Variants in ASIC2 observed in about 807,000 individuals in gnomAD.
ASIC2 encodes the protein acid-sensing ion channel 2.
In ASIC2, 25 loss-of-function variants were observed where a neutral mutation model predicts 57.3. The ratio of observed to expected loss-of-function variants is 0.44; its 90% CI spans 0.32 to 0.61. The LOEUF is 0.61. Among genes scored for constraint, ASIC2 ranks in the 20% least tolerant of loss-of-function variants. The probability of loss-of-function intolerance (pLI) is 0.06; values close to 1 mark genes in which losing one functional copy is unlikely to be tolerated. For synonymous variants in ASIC2, 319 were observed against 307.5 expected (o/e 1.04, Z -0.39); for missense variants, 641 against 738.1 (o/e 0.87, Z 1.52).
chr17:33,735,303 T>C (rs913416345), intron 1 of ASIC2, among the ~76,000 whole-genome samples: 2 of 152,200 alleles, frequency 1.3e-5, no homozygotes, highest in African/African-American at 2.4e-5. Flanking sequence ...AGTCTGGCCA[T>C]GGCAGGTGCT....
At chr17:33,765,209 C>T (rs1161947966) in intron 1 of ASIC2, among the ~76,000 whole-genome samples, 1 of 152,128 alleles carries the variant, frequency 6.6e-6, no homozygotes, top group Non-Finnish European at 1.5e-5. Flanking sequence ...GGGTTCACGC[C>T]ATTCTCCTGC....
intron 1 of ASIC2, among the ~76,000 whole-genome samples, chr17:33,306,856 C>T (rs757575962): frequency 3.9e-5 from 6 of 152,156 alleles, no homozygotes; most frequent in Non-Finnish European, 5.9e-5. Context: ...CAGTGTGTTA[C>T]AGGAAATGTA....
chr17:33,609,114 G>T (rs1305209989), intron 1 of ASIC2, among the ~76,000 whole-genome samples: 1 of 152,146 alleles, frequency 6.6e-6, no homozygotes, highest in Non-Finnish European at 1.5e-5. Flanking sequence ...CTCTTTGGAC[G>T]CTGTTGTGAC....
At chr17:33,743,030 G>A (rs1246430942) in intron 1 of ASIC2, among the ~76,000 whole-genome samples, 1 of 152,118 alleles carries the variant, frequency 6.6e-6, no homozygotes, top group East Asian at 1.9e-4. Flanking sequence ...TCCAGCCCTT[G>A]CCTCCTCTAC....
intron 1 of ASIC2, among the ~76,000 whole-genome samples, chr17:34,129,919 T>C (rs1302823929): frequency 6.6e-6 from 1 of 152,002 alleles, no homozygotes; most frequent in Non-Finnish European, 1.5e-5. Flanking sequence ...CTCAAGGGGG[T>C]CCACTGAGCT....
rs115478087 is a variant in ASIC2, at chr17:34,091,702, C to T, written c.555+64276G>A. ...ACAGAACAGGTTTAAGAACATTCAC[C>T]GAACCAGTCCATGGCACTATTGAAT... On this transcript the variant is annotated intron_variant, in intron 1 of 9. Transcript: ENST00000359872. Among the ~76,000 whole-genome samples, 1,055 of 152,210 alleles carry T rather than the reference C, an allele frequency of 6.9e-3. 18 individuals are homozygous for T. Among genetic ancestry groups the T allele is most frequent in the African/African-American group, 0.024 (984 of 41,508 alleles).
rs79201597 is a variant in ASIC2, at chr17:33,702,608, G to A, written c.555+453370C>T. Among the ~76,000 whole-genome samples the A allele has an allele frequency of 7.3e-3, 1,111 of 152,212 alleles. 11 individuals are homozygous for A. Among genetic ancestry groups the A allele is most frequent in the African/African-American group, 0.025 (1,050 of 41,530 alleles). ...GGAGGAATTAGGGAGATCCCTATGAGCAAGGTGACCTACACAATGACAGCC... is the reference window on the plus strand; with the variant it reads ...GGAGGAATTAGGGAGATCCCTATGAACAAGGTGACCTACACAATGACAGCC... On this transcript the variant is annotated intron_variant, in intron 1 of 9. Transcript: ENST00000359872.
intron 1 of ASIC2, among the ~76,000 whole-genome samples, chr17:33,875,089 G>A (rs2141934754): frequency 6.6e-6 from 1 of 152,318 alleles, no homozygotes; most frequent in Admixed American, 6.5e-5. Flanking sequence ...AGGGAGTCCA[G>A]GAATGCGGGA....
chr17:33,484,213 C>A (rs1200144982), intron 1 of ASIC2, among the ~76,000 whole-genome samples: 1 of 152,184 alleles, frequency 6.6e-6, no homozygotes, highest in Non-Finnish European at 1.5e-5. Context: ...TTTGTTACAG[C>A]AGCAAAAGGA....
chr17:33,262,848 G>A (rs1909334756), intron 1 of ASIC2, among the ~76,000 whole-genome samples: 1 of 152,166 alleles, frequency 6.6e-6, no homozygotes, highest in Non-Finnish European at 1.5e-5. Flanking sequence ...ACATTCCCAA[G>A]CCACAAGAGA....
intron 1 of ASIC2, among the ~76,000 whole-genome samples, chr17:33,159,206 T>C (rs1297106994): frequency 6.6e-6 from 1 of 152,236 alleles, no homozygotes; most frequent in African/African-American, 2.4e-5. Flanking sequence ...TAATTTGGGC[T>C]TATGATTTTT....
intron 1 of ASIC2, among the ~76,000 whole-genome samples, chr17:33,392,625 C>T (rs1909942729): frequency 6.6e-6 from 1 of 152,070 alleles, no homozygotes; most frequent in African/African-American, 2.4e-5. Context: ...CTCCTGTCAC[C>T]ACACTGCCAA....
At chr17:33,086,882 C>T (rs2092136017) in intron 3 of ASIC2, among the ~76,000 whole-genome samples, 1 of 152,120 alleles carries the variant, frequency 6.6e-6, no homozygotes, top group South Asian at 2.1e-4. Context: ...CAAGCCCCTT[C>T]CTGTTTTTTA....
At chr17:33,204,754 T>A (rs775937148) in intron 1 of ASIC2, among the ~76,000 whole-genome samples, 5 of 152,254 alleles carry the variant, frequency 3.3e-5, no homozygotes, top group Non-Finnish European at 7.3e-5. Context: ...CATGTACATG[T>A]CCACTATTAG....
intron 1 of ASIC2, among the ~76,000 whole-genome samples, chr17:33,247,808 T>C (rs1278447415): frequency 6.6e-6 from 1 of 152,190 alleles, no homozygotes; most frequent in Non-Finnish European, 1.5e-5. Context: ...CACTCATTTT[T>C]CTGAGCATCT....
intron 1 of ASIC2, among the ~76,000 whole-genome samples, chr17:33,442,092 T>C (rs1234367966): frequency 6.6e-6 from 1 of 152,212 alleles, no homozygotes; most frequent in Non-Finnish European, 1.5e-5. Context: ...TTAACCAAAA[T>C]GAAAGGATTA....
At chr17:33,361,360 C>T (rs1023737270) in intron 1 of ASIC2, among the ~76,000 whole-genome samples, 17 of 152,254 alleles carry the variant, frequency 1.1e-4, no homozygotes, top group South Asian at 8.3e-4. Context: ...GGCAGAGTGA[C>T]GAGAAGTGGC....
At chr17:33,952,818 A>T (rs867701312) in intron 1 of ASIC2, among the ~76,000 whole-genome samples, 41 of 152,220 alleles carry the variant, frequency 2.7e-4, no homozygotes, top group African/African-American at 9.4e-4. Flanking sequence ...GTAGGGTAAA[A>T]TATTATGTAA....
intron 1 of ASIC2, among the ~76,000 whole-genome samples, chr17:33,790,649 A>G (rs1299730866): frequency 6.6e-6 from 1 of 152,010 alleles, no homozygotes; most frequent in Non-Finnish European, 1.5e-5. Context: ...CAGCCCCCAT[A>G]GTTGCATAAG....
Sources: gnomAD v4.1 joint callset for allele counts (sites outside exome capture counted in the v4.1 genomes callset) on GRCh38, gnomAD v4.1.1 for gene constraint, MANE v1.5 for transcripts, NCBI Gene and HGNC (gene_info 2026-07-23, HGNC 2026-07-21) for gene names.